Variants in MTARC2 observed in about 807,000 individuals in gnomAD.
MTARC2 encodes mitochondrial amidoxime reducing component 2.
Under a neutral mutation model 35.6 loss-of-function variants are expected in MTARC2, and 27 were observed. The observed-to-expected ratio is 0.76, with a 90% CI of 0.56 to 1.04. MTARC2 has a LOEUF of 1.04. Among genes scored for constraint, MTARC2 ranks in the 50% least tolerant of loss-of-function variants. The pLI, the probability that MTARC2 is intolerant of heterozygous loss-of-function variation, is 0.00. For synonymous variants in MTARC2, 158 were observed against 167.1 expected (o/e 0.95, Z 0.42); for missense variants, 412 against 432.5 (o/e 0.95, Z 0.42).
At chr1:220,756,990 C>T (rs572427114) in intron 2 of MTARC2, among the ~76,000 whole-genome samples, 3 of 152,390 alleles carry the variant, frequency 2.0e-5, no homozygotes, top group South Asian at 2.1e-4. Flanking sequence ...GCAACCTCCA[C>T]CTCCCAGGTT....
intron 4 of MTARC2, among the ~76,000 whole-genome samples, chr1:220,766,939 G>C (rs1351585462): frequency 1.4e-5 from 2 of 144,596 alleles, no homozygotes; most frequent in Non-Finnish European, 3.0e-5. Context: ...CCAGGAGTTC[G>C]AGACCAGCCT....
intron 1 of MTARC2, among the ~76,000 whole-genome samples, chr1:220,752,664 C>T (rs536399391): frequency 2.8e-4 from 42 of 152,072 alleles, no homozygotes; most frequent in South Asian, 1.2e-3. Flanking sequence ...GTCCAGACCA[C>T]AGTGGGACCC....
intron 3 of MTARC2, among the ~76,000 whole-genome samples, 180 bp from the exon 4 acceptor site, chr1:220,762,730 G>A (rs925161905): frequency 2.0e-4 from 30 of 152,288 alleles, no homozygotes; most frequent in African/African-American, 7.0e-4. Context: ...CCTGTGTATG[G>A]GCAGGAACTG....
intron 4 of MTARC2, among the ~76,000 whole-genome samples, chr1:220,770,725 T>G (rs910744101): frequency 6.6e-6 from 1 of 152,232 alleles, no homozygotes; most frequent in African/African-American, 2.4e-5. Context: ...CAGCCTCTGC[T>G]GTTGGTCATG....
At chr1:220,780,453 CTTTT>C (rs11364112) in intron 6 of MTARC2, among the ~76,000 whole-genome samples, 5 of 133,772 alleles carry the variant, frequency 3.7e-5, no homozygotes, top group South Asian at 2.5e-4. Flanking sequence ...TTTGGATAAA[CTTTT>C]TTTTTTTTTT....
intron 4 of MTARC2, chr1:220,770,533 T>C (rs1671714900): frequency 1.0e-6 from 1 of 985,304 alleles, no homozygotes; most frequent in Non-Finnish European, 1.2e-6. Flanking sequence ...ATACAGATGT[T>C]GGAGTAGAGA....
intron 2 of MTARC2, among the ~76,000 whole-genome samples, chr1:220,758,279 G>A (rs137957907): frequency 0.013 from 2,038 of 152,082 alleles, 33 homozygotes; most frequent in East Asian, 0.06. Flanking sequence ...CACCACGCCC[G>A]GCCACTTATT....
Position 220,784,521 on chromosome 1 carries a change from C to T in MTARC2, c.*634C>T, listed in dbSNP as rs561767286. 2 of 152,372 alleles carry T rather than the reference C, an allele frequency of 1.3e-5. No individual in the cohort carries two copies. Among genetic ancestry groups the T allele is most frequent in the East Asian group, 3.9e-4 (2 of 5,178 alleles). 9.4% of individuals were successfully genotyped at this position (152,372 alleles called of 1,614,324 possible). The stretch of plus-strand genomic sequence containing the variant: ...GTACTCTATTACACCTTTACTAAGC[C>T]ACATAAAAGTAATCTGTTTGTGTGT... On this transcript the variant is annotated 3_prime_UTR_variant, in exon 8 of 8. Coordinates refer to ENST00000366913, the MANE Select transcript of MTARC2 (RefSeq NM_017898.5).
At chr1:220,766,977 A>C (rs1671596457) in intron 4 of MTARC2, among the ~76,000 whole-genome samples, 1 of 120,066 alleles carries the variant, frequency 8.3e-6, no homozygotes, top group African/African-American at 4.2e-5. Context: ...CCCCACCTCT[A>C]CAAAAAAAAA....
At chr1:220,750,220 G>GA (rs1411243407) in intron 1 of MTARC2, among the ~76,000 whole-genome samples, 4 of 152,206 alleles carry the variant, frequency 2.6e-5, no homozygotes, top group Non-Finnish European at 5.9e-5. Context: ...TGAAGGATAA[G>GA]AAAAGCCTTC....
intron 4 of MTARC2, among the ~76,000 whole-genome samples, chr1:220,774,744 C>T (rs1671846234): frequency 6.6e-6 from 1 of 152,202 alleles, no homozygotes; most frequent in Non-Finnish European, 1.5e-5. Context: ...CTTTCCACCT[C>T]ACTCTCAGCG....
intron 3 of MTARC2, among the ~76,000 whole-genome samples, chr1:220,762,379 T>A (rs1208572256): frequency 6.6e-6 from 1 of 152,192 alleles, no homozygotes; most frequent in East Asian, 1.9e-4. Context: ...GACCAAAGCC[T>A]CTGATTCTGC....
At chr1:220,776,629 G>A (rs180683728) in intron 4 of MTARC2, among the ~76,000 whole-genome samples, 16 of 152,206 alleles carry the variant, frequency 1.1e-4, no homozygotes, top group Non-Finnish European at 2.4e-4. Flanking sequence ...TGTTGCGGAC[G>A]ATTCTTACGA....
Position 220,783,968 on chromosome 1 carries a change from G to T in MTARC2, c.*81G>T, listed in dbSNP as rs1163048543. 1.4e-6 allele frequency: 1 copy of T among 717,306 alleles called. No homozygotes were observed. Among genetic ancestry groups the T allele is most frequent in the East Asian group, 2.7e-5 (1 of 37,286 alleles). 44.4% of individuals were successfully genotyped at this position (717,306 alleles called of 1,614,324 possible). On this transcript the variant is annotated 3_prime_UTR_variant, in exon 8 of 8. Transcript: ENST00000366913. ...CTGAGATCTTAACAACAGCAGCAAC[G>T]ATACATCAGCAAATCCTTATTATCC...
intron 1 of MTARC2, among the ~76,000 whole-genome samples, chr1:220,754,640 C>G (rs1404669802): frequency 6.6e-6 from 1 of 152,284 alleles, no homozygotes; most frequent in East Asian, 1.9e-4. Flanking sequence ...CCCAGACAAG[C>G]AGCAGGGTTG....
intron 6 of MTARC2, among the ~76,000 whole-genome samples, chr1:220,781,029 T>TTTTTTG (rs1553255230): frequency 6.6e-6 from 1 of 150,764 alleles, no homozygotes; most frequent in African/African-American, 2.5e-5. Context: ...TTTTGTTATT[T>TTTTTTG]AAAGAAGTTT....
intron 4 of MTARC2, among the ~76,000 whole-genome samples, chr1:220,774,768 G>A (rs1165027953): frequency 6.6e-6 from 1 of 152,182 alleles, no homozygotes; most frequent in Non-Finnish European, 1.5e-5. Context: ...TTATACTTCT[G>A]TGGTCAGCTG....
At position 220,761,808 on chromosome 1, in the gene MTARC2, T is replaced by C; in HGVS notation, c.597T>C (p.Asp199=). 6.2e-7 allele frequency: 1 copy of C among 1,609,456 alleles called. No homozygotes were observed. The highest frequency in any genetic ancestry group is 8.5e-7 in the Non-Finnish European group (1 of 1,178,356). The change falls in exon 3 of 8, where the codon GAT becomes GAC. Residue 199 remains aspartate (D), a synonymous_variant. Coordinates refer to ENST00000366913, the MANE Select transcript of MTARC2 (RefSeq NM_017898.5). The stretch of plus-strand genomic sequence containing the variant: ...CAAGAAAACTTCTCCCCACTCTTGA[T>C]CAGAATTTCCAGGTGAGCTTACAGA... The part of the protein sequence containing the change: ...RTSRKLLPTL[D]QNFQVAYPDY...
At chr1:220,778,517 A>C (rs1482915466) in intron 4 of MTARC2, among the ~76,000 whole-genome samples, 2 of 152,194 alleles carry the variant, frequency 1.3e-5, no homozygotes, top group African/African-American at 2.4e-5. Context: ...TAAACCATTC[A>C]TGAAAGATCC....
Sources: gnomAD v4.1 joint callset for allele counts (sites outside exome capture counted in the v4.1 genomes callset) on GRCh38, gnomAD v4.1.1 for gene constraint, MANE v1.5 for transcripts, NCBI Gene and HGNC (gene_info 2026-07-23, HGNC 2026-07-21) for gene names.